The following USP34 variants were observed in gnomAD, a reference collection of about 807,000 sequenced individuals.
USP34 encodes the protein ubiquitin carboxyl-terminal hydrolase 34.
USP34 carries 70 observed loss-of-function variants against 460.3 expected under a neutral mutation model. The ratio of observed to expected loss-of-function variants is 0.15; its 90% CI spans 0.13 to 0.19. USP34 has a LOEUF of 0.19. Ranked by LOEUF, USP34 falls within the 10% of genes least tolerant of loss-of-function variation. The pLI is 1.00. For missense variants in USP34, 3,985 were observed against 4,236.2 expected, an observed-to-expected ratio of 0.94 and a Z score of 1.65; for synonymous variants, 1,647 against 1,405.3, an observed-to-expected ratio of 1.17 and a Z score of -3.85.
At chr2:61,462,505 T>A (rs538234802) in intron 1 of USP34, among the ~76,000 whole-genome samples, 1 of 140,898 alleles carries the variant, frequency 7.1e-6, no homozygotes, top group African/African-American at 2.7e-5. Context: ...GCCAAGATCA[T>A]GCCACTGCAC....
rs1693857598 is a variant in USP34 at position 61,405,937 on chromosome 2, T to A, written c.323A>T (p.Asp108Val). The A allele has an allele frequency of 6.2e-7, 1 of 1,613,784 alleles. No individual in the cohort carries two copies. The highest frequency in any genetic ancestry group is 1.1e-5 in the South Asian group (1 of 91,074). Residue 108 changes from aspartate (D) to valine (V), a missense_variant, in exon 3 of 80, where the codon GAT (aspartate) becomes GTT (valine). Asp to Val is a radical substitution (Grantham distance 152). This residue lies in a region of USP34 where 331 missense variants were observed against 293.7 expected (regional missense o/e 1.13). Coordinates refer to ENST00000398571, the MANE Select transcript of USP34 (RefSeq NM_014709.4). ...SNQAEEPLNI[D>V]RECNEGSTER... The stretch of plus-strand genomic sequence containing the variant: ...TGTACTTCCTTCATTACACTCTCTA[T>A]CTATATTCAGTGGTTCTTCTGCTTG...
intron 2 of USP34, among the ~76,000 whole-genome samples, chr2:61,412,781 T>C (rs1208580796): frequency 6.7e-6 from 1 of 149,180 alleles, no homozygotes; most frequent in East Asian, 2.0e-4. Context: ...CCCAGCTACT[T>C]GGGAGGCAGA....
rs147333384 is a variant in USP34, at chr2:61,356,641, A to G, written c.1252-5948T>C. On this transcript the variant is annotated intron_variant, in intron 10 of 79. Coordinates refer to ENST00000398571, the MANE Select transcript of USP34 (RefSeq NM_014709.4). ...GGACAAATATTTAATGATTCCACTT[A>G]TATCAGAAACCTAGACTACTCAAAA... is the stretch of plus-strand genomic sequence containing the variant. Among the ~76,000 whole-genome samples, 371 of 152,350 alleles carry G rather than the reference A, an allele frequency of 2.4e-3. 3 individuals carry two copies. Among genetic ancestry groups the G allele is most frequent in the Admixed American group, 2.6e-3 (40 of 15,306 alleles).
chr2:61,341,576 C>T (rs1448702400), intron 16 of USP34, among the ~76,000 whole-genome samples: 1 of 151,728 alleles, frequency 6.6e-6, no homozygotes, highest in African/African-American at 2.4e-5. Flanking sequence ...ACCCCTCCAA[C>T]CCCCCGTTTC....
Position 61,190,338 on chromosome 2 carries a change from T to C in USP34, c.9806A>G (p.Tyr3269Cys), listed in dbSNP as rs1389041750. 4.1e-5 allele frequency: 66 copies of C among 1,613,792 alleles called. No individual in the cohort carries two copies. The highest frequency in any genetic ancestry group is 5.3e-5 in the Non-Finnish European group (62 of 1,179,960). Residue 3269 changes from tyrosine to cysteine, a missense_variant, in exon 78 of 80, where the codon TAT becomes TGT. Tyr to Cys is a radical substitution (Grantham distance 194). Transcript: ENST00000398571. ...STLITNLISQ[Y>C]QNLQSDFSNR... is the part of the protein sequence containing the mutation. ...GGAGAAATCAGACTGTAGGTTCTGA[T>C]ACTGGCTTATCAAGTTTGTAATAAG...
At chr2:61,223,196 C>T (rs1198070627) in intron 63 of USP34, 32 bp from the exon 64 acceptor site, 1 of 1,612,812 alleles carries the variant, frequency 6.2e-7, no homozygotes, top group Non-Finnish European at 8.5e-7. Context: ...CATTTAAGAA[C>T]CGTTATTATT....
At chr2:61,189,211 G>C (rs1686543544) in intron 78 of USP34, 142 bp from the exon 79 acceptor site, 5 of 835,984 alleles carry the variant, frequency 6.0e-6, no homozygotes, top group Admixed American at 3.2e-5. Context: ...TTCTTAGAAT[G>C]ATAAAACCAG....
At chr2:61,394,533 C>CA (rs200686763) in intron 5 of USP34, among the ~76,000 whole-genome samples, 6,915 of 109,106 alleles carry the variant, frequency 0.063, 382 homozygotes, top group Non-Finnish European at 0.091. Flanking sequence ...CCCTCTCTCT[C>CA]AAAAAAAAAA....
intron 1 of USP34, among the ~76,000 whole-genome samples, chr2:61,425,749 G>A (rs763193962): frequency 6.6e-6 from 1 of 152,122 alleles, no homozygotes; most frequent in Admixed American, 6.6e-5. Flanking sequence ...TAGAGGTGGT[G>A]GGAAGGGGGA....
At chr2:61,402,579 A>G (rs564718995) in intron 3 of USP34, among the ~76,000 whole-genome samples, 6 of 152,368 alleles carry the variant, frequency 3.9e-5, no homozygotes, top group African/African-American at 1.4e-4. Context: ...TCTATAAAAT[A>G]AAAGTGTTGA....
intron 32 of USP34, 121 bp from the exon 33 acceptor site, chr2:61,293,671 T>A: frequency 1.6e-6 from 1 of 641,920 alleles, no homozygotes; most frequent in Middle Eastern, 4.3e-4. Context: ...TACTATTCAT[T>A]TAAATTACCA....
In USP34 at chr2:61,420,759, A is replaced by T. The variant is rs769116861; in HGVS notation, c.118T>A (p.Ser40Thr). The T allele has an allele frequency of 5.0e-6, 8 of 1,610,012 alleles. No individual in the cohort carries two copies. The Admixed American group carries it at 1.3e-4, about 27-fold the overall frequency. The stretch of plus-strand genomic sequence containing the variant: ...AAAGATGCATACCTCTGTGTCCAGG[A>T]ATTGATATAAGTAAATATTTTGAGA... ...HTLKIFTYINSWTQRQCLCCF... is the reference protein window; with the variant it reads ...HTLKIFTYINTWTQRQCLCCF... The change falls in exon 2 of 80, where the codon TCC becomes ACC. Residue 40 changes from serine (S) to threonine (T), a missense_variant. By Grantham distance (58) the Ser-to-Thr change is moderately conservative. Transcript: ENST00000398571.
chr2:61,440,893 C>T (rs898336229), intron 1 of USP34, among the ~76,000 whole-genome samples: 1 of 151,524 alleles, frequency 6.6e-6, no homozygotes, highest in African/African-American at 2.4e-5. Flanking sequence ...TATGGGAGGC[C>T]GAGACGGGTG....
chr2:61,252,504 C>G (rs572503114), intron 48 of USP34, among the ~76,000 whole-genome samples: 1 of 152,068 alleles, frequency 6.6e-6, no homozygotes, highest in Admixed American at 6.6e-5. Flanking sequence ...TATACAAACT[C>G]TGATTTACAA....
intron 3 of USP34, among the ~76,000 whole-genome samples, chr2:61,404,448 C>T (rs1268779624): frequency 6.6e-6 from 1 of 152,142 alleles, no homozygotes; most frequent in East Asian, 1.9e-4. Context: ...CTTCAAGTAA[C>T]AGAAAGCAGC....
intron 2 of USP34, among the ~76,000 whole-genome samples, chr2:61,410,851 A>T (rs940210333): frequency 1.3e-5 from 2 of 152,172 alleles, no homozygotes; most frequent in Non-Finnish European, 2.9e-5. Context: ...TTACAAAGAA[A>T]AAGAAAAATC....
At chr2:61,261,253 C>A (rs371332904) in intron 43 of USP34, among the ~76,000 whole-genome samples, 26 of 152,264 alleles carry the variant, frequency 1.7e-4, no homozygotes, top group African/African-American at 6.3e-4. Flanking sequence ...GTGAAAGCAA[C>A]CCAAGTATCC....
chr2:61,434,629 A>G (rs1694763289), intron 1 of USP34, among the ~76,000 whole-genome samples: 1 of 152,184 alleles, frequency 6.6e-6, no homozygotes, highest in Admixed American at 6.5e-5. Context: ...GAAACTCTCA[A>G]ATGTCACTAG....
At chr2:61,226,880 C>G (rs1418498324) in intron 62 of USP34, 187 bp downstream of exon 62, 4 of 690,824 alleles carry the variant, frequency 5.8e-6, no homozygotes, top group Admixed American at 8.2e-5. Context: ...AACTGAAATT[C>G]TTATGCCACA....
Sources: allele counts gnomAD v4.1 joint callset (sites outside exome capture counted in the v4.1 genomes callset), GRCh38; gene constraint gnomAD v4.1.1; regional missense constraint gnomAD v4.1.1; transcripts MANE v1.5; gene names NCBI Gene and HGNC (gene_info 2026-07-23, HGNC 2026-07-21).